GNAI3: variants seen among roughly 807,000 people sequenced by gnomAD.
The protein encoded by GNAI3 is G protein subunit alpha i3.
A neutral mutation model predicts 41.8 loss-of-function variants in GNAI3; 12 were observed. That is an observed-to-expected ratio of 0.29 (90% CI 0.18 to 0.47). GNAI3 has a LOEUF of 0.47. GNAI3 is among the 20% of genes least tolerant of loss of function. GNAI3 has a pLI of 1.00. For missense variants in GNAI3, 360 were observed against 429.6 expected, an observed-to-expected ratio of 0.84 and a Z score of 1.43; for synonymous variants, 132 against 146.5, an observed-to-expected ratio of 0.90 and a Z score of 0.71.
intron 1 of GNAI3, among the ~76,000 whole-genome samples, chr1:109,567,973 T>G (rs1319234676): frequency 7.1e-5 from 6 of 84,968 alleles, no homozygotes; most frequent in African/African-American, 1.2e-4. Flanking sequence ...GGGATAGTGT[T>G]TTTTTTTTTT....
At chr1:109,570,875 C>T (rs748819909) in intron 1 of GNAI3, among the ~76,000 whole-genome samples, 2 of 152,142 alleles carry the variant, frequency 1.3e-5, no homozygotes, top group Non-Finnish European at 2.9e-5. Context: ...AAGTTTATTC[C>T]ACCTACTGAC....
At chr1:109,549,873 A>G (rs1647938074) in intron 1 of GNAI3, among the ~76,000 whole-genome samples, 1 of 152,220 alleles carries the variant, frequency 6.6e-6, no homozygotes, top group Admixed American at 6.5e-5. Context: ...ATGAGTTTCA[A>G]AATTTTTGAG....
intron 7 of GNAI3, among the ~76,000 whole-genome samples, chr1:109,588,375 A>T (rs1207976741): frequency 6.6e-6 from 1 of 151,482 alleles, no homozygotes; most frequent in Non-Finnish European, 1.5e-5. Context: ...GAGCAAAAAA[A>T]AAAAAAAGAT....
chr1:109,550,934 C>T (rs778692104), intron 1 of GNAI3, among the ~76,000 whole-genome samples: 3 of 152,190 alleles, frequency 2.0e-5, no homozygotes, highest in Non-Finnish European at 4.4e-5. Flanking sequence ...ACCCTTAGGA[C>T]ATCAGTTTAT....
intron 3 of GNAI3, among the ~76,000 whole-genome samples, chr1:109,577,015 GTT>G (rs5776987): frequency 0.11 from 15,216 of 144,028 alleles, 2,186 homozygotes; most frequent in African/African-American, 0.33. Context: ...GTTTTTTTCT[GTT>G]TTTTTTTTTT....
chr1:109,555,963 C>CGTGTGTGTGTGT (rs71069692), intron 1 of GNAI3, among the ~76,000 whole-genome samples: 93 of 144,622 alleles, frequency 6.4e-4, no homozygotes, highest in Middle Eastern at 3.5e-3. Context: ...TGCGTGCGTG[C>CGTGTGTGTGTGT]GTGTGTGTGT....
chr1:109,588,697 A>G (rs904104759), intron 7 of GNAI3, among the ~76,000 whole-genome samples: 1 of 152,192 alleles, frequency 6.6e-6, no homozygotes, highest in Non-Finnish European at 1.5e-5. Context: ...GATCGAGACC[A>G]TCCTGACCAA....
At chr1:109,584,383 T>C (rs1370961823) in intron 5 of GNAI3, among the ~76,000 whole-genome samples, 1 of 152,240 alleles carries the variant, frequency 6.6e-6, no homozygotes, top group Non-Finnish European at 1.5e-5. Context: ...GAGATTTCTT[T>C]GTATAAGGTT....
Position 109,595,146 on chromosome 1 carries a change from T to C in GNAI3, c.*2824T>C, listed in dbSNP as rs1426947479. ...TTTCCTCTGAAGAATGCTGGAGATTTGTGATGGATAATGTTTCAGAATTCA... is the reference window on the plus strand; with the variant it reads ...TTTCCTCTGAAGAATGCTGGAGATTCGTGATGGATAATGTTTCAGAATTCA... On this transcript the variant is annotated 3_prime_UTR_variant, in exon 9 of 9. Transcript: ENST00000369851. 3 of 152,212 alleles carry C rather than the reference T, an allele frequency of 2.0e-5. No homozygotes were observed. The highest frequency in any genetic ancestry group is 7.2e-5 in the African/African-American group (3 of 41,448). 9.4% of individuals were successfully genotyped at this position (152,212 alleles called of 1,614,324 possible).
At chr1:109,587,964 T>G (rs1244576393) in intron 7 of GNAI3, among the ~76,000 whole-genome samples, 3 of 152,176 alleles carry the variant, frequency 2.0e-5, no homozygotes, top group African/African-American at 7.2e-5. Context: ...GCACTCTTTA[T>G]CCCCATCTTT....
chr1:109,551,594 A>C (rs1647983497), intron 1 of GNAI3, among the ~76,000 whole-genome samples: 1 of 152,182 alleles, frequency 6.6e-6, no homozygotes, highest in Non-Finnish European at 1.5e-5. Context: ...TCTTGGCCTC[A>C]GTTTTCTTAT....
In GNAI3 at chr1:109,559,153, G is replaced by A. The variant is rs1156897574; in HGVS notation, c.118+10315G>A. On this transcript the variant is annotated intron_variant, in intron 1 of 8. Transcript: ENST00000369851. ...AGATTGTGGCACTGCACTCCATCCA[G>A]CCTGGGTGACAGAGCGAGACTCTGT... is the stretch of plus-strand genomic sequence containing the variant. 2.6e-5 allele frequency among the ~76,000 whole-genome samples: 4 copies of A among 151,870 alleles called. No individual in the cohort carries two copies. The East Asian group carries it at 5.8e-4, about 22-fold the overall frequency.
chr1:109,576,364 C>T (rs749046815), intron 3 of GNAI3, among the ~76,000 whole-genome samples: 48 of 151,960 alleles, frequency 3.2e-4, no homozygotes, highest in Non-Finnish European at 6.5e-4. Context: ...CCACTGTGCC[C>T]GGCTTCTACT....
intron 1 of GNAI3, among the ~76,000 whole-genome samples, chr1:109,568,592 T>G (rs901717128): frequency 6.6e-6 from 1 of 152,120 alleles, no homozygotes; most frequent in East Asian, 1.9e-4. Flanking sequence ...GTAAATACAG[T>G]GATTCTACAT....
intron 1 of GNAI3, among the ~76,000 whole-genome samples, chr1:109,551,068 C>T (rs1321001010): frequency 6.6e-6 from 1 of 152,120 alleles, no homozygotes; most frequent in East Asian, 1.9e-4. Context: ...ATCTGTAGTG[C>T]ATTTAATTAA....
At chr1:109,588,022 C>T (rs892631675) in intron 7 of GNAI3, among the ~76,000 whole-genome samples, 1 of 152,100 alleles carries the variant, frequency 6.6e-6, no homozygotes, top group Non-Finnish European at 1.5e-5. Context: ...CTTTCCTAAC[C>T]AGCTTTCTCT....
rs1256915433 is a variant in GNAI3 at position 109,593,755 on chromosome 1, C to T, written c.*1433C>T. 2 of 152,580 alleles carry T rather than the reference C, an allele frequency of 1.3e-5. No individual in the cohort carries two copies. The highest frequency in any genetic ancestry group is 6.5e-5 in the Admixed American group (1 of 15,278). The allele number at this position is 152,580 out of a possible 1,614,324, so 9.5% of individuals were successfully genotyped here. A position where few individuals can be genotyped will look rare whatever the true frequency, so the allele number is the denominator to read the frequency against. ...TACATTTTGCTTGTGTGGAAAGTTA[C>T]GTTCACTTCAACCTACAGACCCTTT... On this transcript the variant is annotated 3_prime_UTR_variant, in exon 9 of 9. Transcript: ENST00000369851.
In GNAI3 at chr1:109,555,194, T is replaced by C. The variant is rs370753234; in HGVS notation, c.118+6356T>C. On this transcript the variant is annotated intron_variant, in intron 1 of 8. Coordinates refer to ENST00000369851, the MANE Select transcript of GNAI3 (RefSeq NM_006496.4). ...CTAGAAAAAACAATCCTAAAATTCA[T>C]GTGGACCCAAAAAAGAGCCCGTATA... Among the ~76,000 whole-genome samples, 6 of 152,246 alleles carry C rather than the reference T, an allele frequency of 3.9e-5. No homozygotes were observed. The East Asian group carries it at 1.2e-3, about 29-fold the overall frequency.
intron 1 of GNAI3, among the ~76,000 whole-genome samples, chr1:109,572,970 T>C (rs1163285678): frequency 6.6e-6 from 1 of 152,136 alleles, no homozygotes; most frequent in East Asian, 1.9e-4. Flanking sequence ...TGTGGGAAAA[T>C]GTAGTTTTTT....
Sources: allele counts gnomAD v4.1 joint callset (sites outside exome capture counted in the v4.1 genomes callset), GRCh38; gene constraint gnomAD v4.1.1; transcripts MANE v1.5; gene names NCBI Gene and HGNC (gene_info 2026-07-23, HGNC 2026-07-21).